ZC4H2: variants seen among roughly 807,000 people sequenced by gnomAD.
The protein encoded by ZC4H2 is zinc finger C4H2 domain-containing protein.
For missense variants in ZC4H2, 137 were observed against 173.9 expected (o/e 0.79, Z 1.19); for synonymous variants, 84 against 66.3 (o/e 1.27, Z -1.30).
intron 1 of ZC4H2, among the ~76,000 whole-genome samples, chrX:65,031,895 C>T (rs1020638961): frequency 4.5e-5 from 5 of 112,160 alleles, no homozygotes; most frequent in Non-Finnish European, 9.4e-5. Context: ...AAATAGCTGC[C>T]TCAATTCTCA....
Position 64,943,355 on chromosome X carries a change from C to T in ZC4H2, c.54-21367G>A, listed in dbSNP as rs749448560. Among the ~76,000 whole-genome samples, 4 of 111,965 alleles carry T rather than the reference C, an allele frequency of 3.6e-5. 1 individual carries two copies. The highest frequency in any genetic ancestry group is 5.6e-4 in the East Asian group (2 of 3,567). On this transcript the variant is annotated intron_variant, in intron 1 of 4. Coordinates refer to ENST00000374839, the MANE Select transcript of ZC4H2 (RefSeq NM_018684.4). ...TAGATGTCTATTAGGTCCGCTTGGG[C>T]TAGAGCTGAGTTCAAGTCCTGAATA...
intron 1 of ZC4H2, among the ~76,000 whole-genome samples, chrX:64,982,953 A>T (rs1209290838): frequency 8.9e-6 from 1 of 112,529 alleles, no homozygotes; most frequent in African/African-American, 3.2e-5. Context: ...TGAATGAAAC[A>T]TCTGGTATCT....
chrX:64,921,416 C>A lies in ZC4H2; in HGVS notation c.225+401G>T, dbSNP rs113302198. On this transcript the variant is annotated intron_variant, in intron 2 of 4. Coordinates refer to ENST00000374839, the MANE Select transcript of ZC4H2 (RefSeq NM_018684.4). The stretch of plus-strand genomic sequence containing the variant: ...GAGGAAGCTCCACTTTGGTAGCAGG[C>A]AGAAATGATTTGTTTGGTCTGACTG... 2.8e-4 allele frequency among the ~76,000 whole-genome samples: 31 copies of A among 111,731 alleles called. 1 individual carries two copies. In the South Asian group the frequency reaches 0.012, roughly 42 times the overall value.
At chrX:64,928,398 G>C (rs1434953989) in intron 1 of ZC4H2, among the ~76,000 whole-genome samples, 1 of 111,733 alleles carries the variant, frequency 8.9e-6, no homozygotes, top group Admixed American at 9.5e-5. Flanking sequence ...CACATCACTT[G>C]TTTTTGTCAG....
chrX:65,015,063 A>G, intron 1 of ZC4H2, among the ~76,000 whole-genome samples: 1 of 111,778 alleles, frequency 8.9e-6, no homozygotes, highest in East Asian at 2.8e-4. Context: ...TCTGCCACAC[A>G]GCATGTATCT....
At chrX:64,944,783 AT>A (rs748862251) in intron 1 of ZC4H2, among the ~76,000 whole-genome samples, 33 of 109,176 alleles carry the variant, frequency 3.0e-4, no homozygotes, top group African/African-American at 1.1e-3. Flanking sequence ...GCTCCTTTTC[AT>A]TTTTTTTCTC....
chrX:64,972,148 T>C (rs933672856), intron 1 of ZC4H2, among the ~76,000 whole-genome samples: 1 of 111,632 alleles, frequency 9.0e-6, no homozygotes, highest in Non-Finnish European at 1.9e-5. Flanking sequence ...AAGGAAAACA[T>C]GGGCAAAATA....
intron 1 of ZC4H2, chrX:64,922,273 G>C: frequency 2.0e-5 from 4 of 198,226 alleles, no homozygotes; most frequent in Non-Finnish European, 2.4e-5. Flanking sequence ...AAAGAAAAAA[G>C]AAAAAAAAAA....
intron 1 of ZC4H2, among the ~76,000 whole-genome samples, chrX:64,945,319 C>T (rs1240502978): frequency 1.8e-5 from 2 of 112,305 alleles, no homozygotes; most frequent in Middle Eastern, 4.6e-3. Context: ...TGTTAGTTTT[C>T]CTTCTAACAG....
intron 1 of ZC4H2, among the ~76,000 whole-genome samples, chrX:65,021,337 C>T (rs1293618294): frequency 3.5e-4 from 39 of 111,185 alleles, no homozygotes; most frequent in Admixed American, 3.3e-3. Context: ...ATCCACAGTA[C>T]AATCAAATTA....
In ZC4H2 at chrX:64,920,061, A is replaced by T; in HGVS notation, c.398+20T>A. ...GTCGGAGGGAGGGTATGTTGTAGGG[A>T]CTGGGGGCAGGTAGCTTACTCCAAG... is the stretch of plus-strand genomic sequence containing the variant. On this transcript the variant is annotated intron_variant, in intron 3 of 4. Coordinates refer to ENST00000374839, the MANE Select transcript of ZC4H2 (RefSeq NM_018684.4). 1 of 1,205,027 alleles carries T rather than the reference A, an allele frequency of 8.3e-7. No individual in the cohort carries two copies. Among genetic ancestry groups the T allele is most frequent in the Non-Finnish European group, 1.1e-6 (1 of 892,644 alleles).
Position 64,934,149 on chromosome X carries a change from C to A in ZC4H2, c.54-12161G>T, listed in dbSNP as rs564556035. On this transcript the variant is annotated intron_variant, in intron 1 of 4. Coordinates refer to ENST00000374839, the MANE Select transcript of ZC4H2 (RefSeq NM_018684.4). ...AGACCTGCTATTCAGATTCTTTTGTCCCACAGGGTGTTACCTTGTTGTGGT... is the reference window on the plus strand; with the variant it reads ...AGACCTGCTATTCAGATTCTTTTGTACCACAGGGTGTTACCTTGTTGTGGT... Among the ~76,000 whole-genome samples, 3 of 112,108 alleles carry A rather than the reference C, an allele frequency of 2.7e-5. No individual in the cohort carries two copies. In the South Asian group the frequency reaches 1.1e-3, roughly 42 times the overall value.
At chrX:64,962,852 A>G (rs1011842312) in intron 1 of ZC4H2, among the ~76,000 whole-genome samples, 11 of 111,394 alleles carry the variant, frequency 9.9e-5, no homozygotes, top group African/African-American at 3.6e-4. Context: ...TTGATGAAAG[A>G]AATTAAGGTA....
chrX:64,934,378 T>C (rs745532849), intron 1 of ZC4H2, among the ~76,000 whole-genome samples: 1 of 112,496 alleles, frequency 8.9e-6, no homozygotes, highest in Admixed American at 9.4e-5. Flanking sequence ...TTCTCTAATA[T>C]ATTGTGGGTG....
intron 1 of ZC4H2, among the ~76,000 whole-genome samples, chrX:64,993,062 C>T (rs1389788438): frequency 8.9e-6 from 1 of 112,047 alleles, no homozygotes; most frequent in East Asian, 2.8e-4. Flanking sequence ...GCATCCTCCA[C>T]CATAGAGTTG....
At chrX:65,012,981 G>A (rs1259405681) in intron 1 of ZC4H2, among the ~76,000 whole-genome samples, 2 of 111,679 alleles carry the variant, frequency 1.8e-5, no homozygotes, top group East Asian at 5.6e-4. Context: ...TCATTGGCCA[G>A]AACTAGTCTT....
intron 1 of ZC4H2, among the ~76,000 whole-genome samples, chrX:64,924,737 C>T (rs766923532): frequency 1.8e-5 from 2 of 110,690 alleles, no homozygotes; most frequent in South Asian, 7.8e-4. Context: ...TGAGTAATGG[C>T]CCCACAGAAG....
chrX:65,023,341 A>G (rs927113525), intron 1 of ZC4H2, among the ~76,000 whole-genome samples: 2 of 111,648 alleles, frequency 1.8e-5, no homozygotes, highest in Non-Finnish European at 3.8e-5. Flanking sequence ...AACTGAATAC[A>G]CTTTATTTCT....
chrX:64,980,173 A>G (rs1006724362), upstream of ZC4H2, among the ~76,000 whole-genome samples: 1 of 112,275 alleles, frequency 8.9e-6, no homozygotes, highest in African/African-American at 3.2e-5. Context: ...TTTCAGCCCA[A>G]AAATGTTTAT....
Sources: gnomAD v4.1 joint callset for allele counts (sites outside exome capture counted in the v4.1 genomes callset) on GRCh38, gnomAD v4.1.1 for gene constraint, MANE v1.5 for transcripts, NCBI Gene and HGNC (gene_info 2026-07-23, HGNC 2026-07-21) for gene names.